RIN2: variants seen among roughly 807,000 people sequenced by gnomAD.
RIN2 encodes Ras and Rab interactor 2.
A neutral mutation model predicts 78.0 loss-of-function variants in RIN2; 36 were observed. That is an observed-to-expected ratio of 0.46 (90% CI 0.35 to 0.61). The LOEUF (loss-of-function observed/expected upper bound fraction) is 0.61. Ranked by LOEUF, RIN2 falls within the 20% of genes least tolerant of loss-of-function variation. The pLI is 0.00. For synonymous variants in RIN2, 466 were observed against 466.8 expected (o/e 1.00, Z 0.02); for missense variants, 1,087 against 1,159.7 (o/e 0.94, Z 0.91).
Position 19,800,770 on chromosome 20 carries a change from G to A in RIN2, c.-37+1023G>A, listed in dbSNP as rs184963148. ...CAGATTCATGAGCAAAATAAACATT[G>A]TTGTTTTCAGCTATTTCATTTAAAC... On this transcript the variant is annotated intron_variant, in intron 2 of 12. Coordinates refer to ENST00000255006, the MANE Select transcript of RIN2 (RefSeq NM_018993.4). Among the ~76,000 whole-genome samples the A allele has an allele frequency of 2.6e-5, 4 of 152,304 alleles. No individual in the cohort carries two copies. In the East Asian group the frequency reaches 7.7e-4, roughly 29 times the overall value.
In RIN2 at chr20:19,851,001, GGAAGGAAGGAAGGAAGGAAGGAA is replaced by G. The variant is rs2036943259; in HGVS notation, c.-36-38563_-36-38541del. Among the ~76,000 whole-genome samples, 4 of 40,706 alleles carry G rather than the reference GGAAGGAAGGAAGGAAGGAAGGAA, an allele frequency of 9.8e-5. No homozygotes were observed. In the South Asian group the frequency reaches 3.2e-3, roughly 32 times the overall value. The allele number at this position is 40,706 out of a possible 152,430, so 26.7% of individuals were successfully genotyped here. ...AAAAGAAAGGGAGAAAAGGAAGGAA[GGAAGGAAGGAAGGAAGGAAGGAA>G]GGAAGGAAGGAAGGAAGGAAGGAAG... On this transcript the variant is annotated intron_variant, in intron 2 of 12. Transcript: ENST00000255006.
At position 19,797,605 on chromosome 20, in the gene RIN2, G is replaced by T. The variant is rs542054347; in HGVS notation, c.-162-2017G>T. 2.0e-5 allele frequency among the ~76,000 whole-genome samples: 3 copies of T among 152,308 alleles called. No homozygotes were observed. The East Asian group carries it at 5.8e-4, about 29-fold the overall frequency. On this transcript the variant is annotated intron_variant, in intron 1 of 12. Transcript: ENST00000255006. ...CTATTAGTAAAGATTAGAAGACATT[G>T]TGAAGTGATGTCAACGTAGCTTAAT...
intron 2 of RIN2, among the ~76,000 whole-genome samples, chr20:19,850,192 C>T (rs2036915670): frequency 6.6e-6 from 1 of 152,098 alleles, no homozygotes; most frequent in Non-Finnish European, 1.5e-5. Context: ...ATTAACAGAC[C>T]TCCCTCCATA....
chr20:19,878,363 G>A (rs112537752), intron 2 of RIN2, among the ~76,000 whole-genome samples: 1,752 of 152,156 alleles, frequency 0.012, 29 homozygotes, highest in African/African-American at 0.041. Flanking sequence ...AGTGTGGGAG[G>A]GAATAAAGGA....
rs1444590081 is a variant in RIN2, at chr20:19,990,002, G to A, written c.1763-4G>A. The A allele has an allele frequency of 1.9e-6, 3 of 1,539,146 alleles. No homozygotes were observed. In the Admixed American group the frequency reaches 6.4e-5, roughly 33 times the overall value. ...AGTCATAGTAGCTACACTTTCTTTG[G>A]CAGATGTGGTGCTGGAAAAAGCCAT... On this transcript the variant is annotated splice_polypyrimidine_tract_variant and splice_region_variant and intron_variant, in intron 9 of 12. Transcript: ENST00000255006.
chr20:19,778,628 C>T (rs975762972), intron 1 of RIN2, among the ~76,000 whole-genome samples: 1 of 152,200 alleles, frequency 6.6e-6, no homozygotes, highest in African/African-American at 2.4e-5. Flanking sequence ...ATCCCAAACA[C>T]GGGCTGATTC....
At chr20:19,965,091 G>T in intron 7 of RIN2, 67 bp downstream of exon 7, 1 of 1,316,264 alleles carries the variant, frequency 7.6e-7, no homozygotes, top group Non-Finnish European at 1.1e-6. Flanking sequence ...TTAACCTGAG[G>T]TTTCTTGAAG....
chr20:19,760,063 A>G (rs148699741), intron 1 of RIN2, among the ~76,000 whole-genome samples: 208 of 152,334 alleles, frequency 1.4e-3, no homozygotes, highest in African/African-American at 4.7e-3. Context: ...ATTCAAATGT[A>G]GGAGGATATT....
chr20:19,971,028 C>A, intron 8 of RIN2, 99 bp downstream of exon 8: 1 of 846,144 alleles, frequency 1.2e-6, no homozygotes, highest in Non-Finnish European at 1.9e-6. Context: ...TCAATCTCTC[C>A]AGCTTCTCCA....
intron 1 of RIN2, among the ~76,000 whole-genome samples, chr20:19,786,428 G>C (rs1348664544): frequency 6.6e-6 from 1 of 152,148 alleles, no homozygotes; most frequent in Non-Finnish European, 1.5e-5. Flanking sequence ...TGAAGAAAGA[G>C]AGAGATACCG....
chr20:19,990,688 G>A (rs73901364), intron 10 of RIN2, among the ~76,000 whole-genome samples: 3,131 of 152,094 alleles, frequency 0.021, 127 homozygotes, highest in African/African-American at 0.071. Context: ...GTCTTTAGCC[G>A]GATGTCACCC....
chr20:19,948,788 G>GATTTTA (rs11472369), intron 4 of RIN2, among the ~76,000 whole-genome samples: 16,035 of 151,758 alleles, frequency 0.11, 943 homozygotes, highest in African/African-American at 0.14. Flanking sequence ...TGTCTTGAAT[G>GATTTTA]ATTTTAATTT....
At chr20:19,796,616 T>C (rs2035062197) in intron 1 of RIN2, among the ~76,000 whole-genome samples, 1 of 152,210 alleles carries the variant, frequency 6.6e-6, no homozygotes, top group South Asian at 2.1e-4. Flanking sequence ...TTGAAAGCTA[T>C]GAGTCAATAG....
At position 20,001,058 on chromosome 20, in the gene RIN2, A is replaced by C; in HGVS notation, c.*122A>C. On this transcript the variant is annotated 3_prime_UTR_variant, in exon 13 of 13. Transcript: ENST00000255006. The stretch of plus-strand genomic sequence containing the variant: ...TCGGGGACCCCTCAGTGTAGTGACT[A>C]AGCCATCCACAGGCCAACTCGGCCA... 2.1e-6 allele frequency: 2 copies of C among 931,334 alleles called. No homozygotes were observed. The highest frequency in any genetic ancestry group is 3.1e-6 in the Non-Finnish European group (2 of 638,838). The allele number at this position is 931,334 out of a possible 1,614,324, so 57.7% of individuals were successfully genotyped here. A position where few individuals can be genotyped will look rare whatever the true frequency, so the allele number is the denominator to read the frequency against.
At chr20:19,918,411 T>C (rs1276859671) in intron 3 of RIN2, among the ~76,000 whole-genome samples, 1 of 151,472 alleles carries the variant, frequency 6.6e-6, no homozygotes, top group East Asian at 1.9e-4. Context: ...TTGATTTAAC[T>C]CATTAATGAG....
chr20:19,885,064 T>A (rs1018628695), intron 2 of RIN2, among the ~76,000 whole-genome samples: 4 of 152,218 alleles, frequency 2.6e-5, no homozygotes, highest in African/African-American at 9.6e-5. Flanking sequence ...ATTAGAAAGC[T>A]TCTGTAGCCA....
In RIN2 at chr20:19,877,340, G is replaced by A. The variant is rs116613536; in HGVS notation, c.-36-12226G>A. 4.6e-3 allele frequency among the ~76,000 whole-genome samples: 698 copies of A among 152,326 alleles called. 3 individuals are homozygous for A. The highest frequency in any genetic ancestry group is 0.016 in the African/African-American group (672 of 41,560). On this transcript the variant is annotated intron_variant, in intron 2 of 12. Coordinates refer to ENST00000255006, the MANE Select transcript of RIN2 (RefSeq NM_018993.4). ...GTGTGCATATCTCAGACACAAGGCA[G>A]AGGTATTTTTCAGTGCTTACTGGAT...
intron 1 of RIN2, among the ~76,000 whole-genome samples, chr20:19,777,532 C>T (rs2034352161): frequency 1.3e-5 from 2 of 152,250 alleles, no homozygotes; most frequent in Admixed American, 1.3e-4. Flanking sequence ...ATAGACCTGA[C>T]CTCCCTGTCG....
intron 2 of RIN2, among the ~76,000 whole-genome samples, chr20:19,888,625 A>C (rs763822236): frequency 1.3e-4 from 20 of 152,214 alleles, no homozygotes; most frequent in Non-Finnish European, 2.2e-4. Flanking sequence ...GGTTGGCATG[A>C]GCTACCTCCT....
Sources: gnomAD v4.1 joint callset for allele counts (sites outside exome capture counted in the v4.1 genomes callset) on GRCh38, gnomAD v4.1.1 for gene constraint, MANE v1.5 for transcripts, NCBI Gene and HGNC (gene_info 2026-07-23, HGNC 2026-07-21) for gene names.